Variants in MTFR1 observed in about 807,000 individuals in gnomAD.
MTFR1 encodes mitochondrial fission regulator 1, also known as chondrocyte protein with a poly-proline region.
MTFR1 carries 28 observed loss-of-function variants against 38.8 expected under a neutral mutation model. The observed-to-expected ratio is 0.72, with a 90% CI of 0.53 to 0.99. The LOEUF is 0.99. Ranked by LOEUF, MTFR1 falls within the 50% of genes least tolerant of loss-of-function variation. The pLI, the probability that MTFR1 is intolerant of heterozygous loss-of-function variation, is 0.00. For missense variants in MTFR1, 358 were observed against 395.5 expected (o/e 0.91, Z 0.81); for synonymous variants, 145 against 137.0 (o/e 1.06, Z -0.41).
intron 3 of MTFR1, among the ~76,000 whole-genome samples, chr8:65,762,118 T>A (rs369888315): frequency 5.9e-4 from 90 of 152,318 alleles, no homozygotes; most frequent in African/African-American, 1.8e-3. Context: ...AAAATTTTTT[T>A]AATTCAGTCC....
chr8:65,771,240 T>G (rs959067270), exon 4 of MTFR1: 1 of 153,412 alleles, frequency 6.5e-6, no homozygotes, highest in Non-Finnish European at 1.5e-5. Flanking sequence ...TAATAAACTG[T>G]ACATATAAAA....
intron 3 of MTFR1, chr8:65,747,532 A>G: frequency 1.8e-6 from 1 of 545,102 alleles, no homozygotes; most frequent in Non-Finnish European, 3.0e-6. Flanking sequence ...CCTGGAAAAT[A>G]GGCTCAACTG....
rs578060230 is a variant in MTFR1 at position 65,652,209 on chromosome 8, C to T, written c.-81+7425C>T. On this transcript the variant is annotated intron_variant, in intron 1 of 7. Transcript: ENST00000262146. Reference sequence around the variant, plus strand: ...CCAACCTCTGCCTCCCAGGTTCAAGCAACTCTCGTACCTCAACCTCCCAAG... The same window carrying T: ...CCAACCTCTGCCTCCCAGGTTCAAGTAACTCTCGTACCTCAACCTCCCAAG... 4.7e-4 allele frequency among the ~76,000 whole-genome samples: 72 copies of T among 152,188 alleles called. 1 individual carries two copies. The highest frequency in any genetic ancestry group is 9.1e-4 in the Non-Finnish European group (62 of 68,008).
At chr8:65,729,846 G>A (rs1806775070) in intron 3 of MTFR1, among the ~76,000 whole-genome samples, 1 of 152,038 alleles carries the variant, frequency 6.6e-6, no homozygotes, top group Non-Finnish European at 1.5e-5. Context: ...TGGAATCACA[G>A]GCATAAGCCA....
intron 1 of MTFR1, among the ~76,000 whole-genome samples, chr8:65,648,112 C>T (rs1416918291): frequency 6.6e-6 from 1 of 151,988 alleles, no homozygotes; most frequent in Non-Finnish European, 1.5e-5. Flanking sequence ...CCCGGGTTCA[C>T]GCCATTCCAT....
In MTFR1 at chr8:65,738,449, T is replaced by G. The variant is rs1031725684; in HGVS notation, c.*48+18968T>G. Among the ~76,000 whole-genome samples the G allele has an allele frequency of 3.9e-5, 6 of 152,136 alleles. No individual in the cohort carries two copies. In the East Asian group the frequency reaches 1.2e-3, roughly 29 times the overall value. ...ATCCACCTAAAGGACGGACAAAGAC[T>G]TTACCAGGAATCATGAATTCCTTCC... On this transcript the variant is annotated intron_variant, in intron 3 of 3. Transcript: ENST00000521247.
chr8:65,690,637 T>A (rs1805248121), intron 3 of MTFR1, among the ~76,000 whole-genome samples: 2 of 152,214 alleles, frequency 1.3e-5, no homozygotes, highest in South Asian at 2.1e-4. Flanking sequence ...AGAAAACAGC[T>A]ATTTTTGTAA....
chr8:65,738,598 T>G (rs1807256899), intron 3 of MTFR1, among the ~76,000 whole-genome samples: 1 of 151,958 alleles, frequency 6.6e-6, no homozygotes, highest in Non-Finnish European at 1.5e-5. Flanking sequence ...CCTGGGTAAT[T>G]TTTTTGTATT....
At chr8:65,703,487 G>A (rs556861454) in intron 4 of MTFR1, among the ~76,000 whole-genome samples, 1 of 122,478 alleles carries the variant, frequency 8.2e-6, no homozygotes, top group East Asian at 2.7e-4. Flanking sequence ...AAGCTGGAGT[G>A]CAGTGGCGTG....
downstream of MTFR1, among the ~76,000 whole-genome samples, chr8:65,774,777 A>C (rs2128922188): frequency 6.6e-6 from 1 of 152,198 alleles, no homozygotes; most frequent in South Asian, 2.1e-4. Context: ...ATTAAAAATA[A>C]CTATATTTTC....
chr8:65,711,486 A>C (rs1376371900), downstream of MTFR1, among the ~76,000 whole-genome samples: 3 of 152,126 alleles, frequency 2.0e-5, no homozygotes, highest in Non-Finnish European at 2.9e-5. Flanking sequence ...CAACAAAGTC[A>C]GCGCTGGGAT....
At chr8:65,683,467 C>T (rs544821457) in intron 3 of MTFR1, among the ~76,000 whole-genome samples, 3 of 151,802 alleles carry the variant, frequency 2.0e-5, no homozygotes, top group African/African-American at 7.2e-5. Flanking sequence ...AGACATTTAT[C>T]ACATAACTTT....
intron 3 of MTFR1, among the ~76,000 whole-genome samples, chr8:65,765,382 G>A (rs1244453744): frequency 6.1e-5 from 9 of 148,118 alleles, no homozygotes; most frequent in Admixed American, 2.7e-4. Flanking sequence ...CCAGCTACTC[G>A]GGAGGCTGAG....
At chr8:65,754,345 T>A (rs1022846285) in intron 3 of MTFR1, among the ~76,000 whole-genome samples, 11 of 152,148 alleles carry the variant, frequency 7.2e-5, no homozygotes, top group African/African-American at 2.6e-4. Flanking sequence ...CCAGGATCAA[T>A]ACTTTGCATC....
chr8:65,734,698 T>C lies in MTFR1; in HGVS notation c.*48+15217T>C, dbSNP rs189504295. The C allele has an allele frequency of 9.7e-6, 7 of 719,012 alleles. No homozygotes were observed. In the East Asian group the frequency reaches 1.5e-4, roughly 16 times the overall value. 44.5% of individuals were successfully genotyped at this position (719,012 alleles called of 1,614,324 possible). On this transcript the variant is annotated intron_variant, in intron 3 of 3. Coordinates refer to the MTFR1 transcript ENST00000521247. ...CATTCTTGTGAAGGAAGTCTGTGAT[T>C]TTCAGTCAAAGCAGTAACTTCAGGA...
In MTFR1 at chr8:65,682,088, T is replaced by C. The variant is rs964251813; in HGVS notation, c.67-265T>C. ...GAAAATAAAATTTTTACTGTAAGTA[T>C]AGTATTTAAAAATTACTGGCTAGTT... On this transcript the variant is annotated intron_variant, in intron 2 of 7. Coordinates refer to ENST00000262146, the MANE Select transcript of MTFR1 (RefSeq NM_014637.4). The C allele has an allele frequency of 3.8e-5, 7 of 183,886 alleles. No individual in the cohort carries two copies. The East Asian group carries it at 9.2e-4, about 24-fold the overall frequency. The allele number at this position is 183,886 out of a possible 1,614,324, so 11.4% of individuals were successfully genotyped here.
At chr8:65,758,544 T>G (rs1267361426) in intron 3 of MTFR1, among the ~76,000 whole-genome samples, 1 of 152,206 alleles carries the variant, frequency 6.6e-6, no homozygotes, top group African/African-American at 2.4e-5. Flanking sequence ...ACTCCTTTAG[T>G]CCCACTCATG....
At chr8:65,762,864 T>C (rs917270147) in intron 3 of MTFR1, among the ~76,000 whole-genome samples, 1 of 152,146 alleles carries the variant, frequency 6.6e-6, no homozygotes, top group African/African-American at 2.4e-5. Context: ...TGGCCAAGTA[T>C]GGTGGCTCAA....
intron 3 of MTFR1, among the ~76,000 whole-genome samples, chr8:65,742,074 C>G (rs921197345): frequency 6.6e-6 from 1 of 152,108 alleles, no homozygotes; most frequent in African/African-American, 2.4e-5. Context: ...TATTTCAAAA[C>G]AAGAGATGCT....
Sources: gnomAD v4.1 joint callset for allele counts (sites outside exome capture counted in the v4.1 genomes callset) on GRCh38, gnomAD v4.1.1 for gene constraint, MANE v1.5 for transcripts, NCBI Gene and HGNC (gene_info 2026-07-23, HGNC 2026-07-21) for gene names.